MTMR14: variants seen among roughly 807,000 people sequenced by gnomAD.
The protein encoded by MTMR14 is myotubularin related protein 14.
Under a neutral mutation model 86.3 loss-of-function variants are expected in MTMR14, and 48 were observed. That is an observed-to-expected ratio of 0.56 (90% CI 0.44 to 0.71). MTMR14 has a LOEUF of 0.71. Ranked by LOEUF, MTMR14 falls within the 30% of genes least tolerant of loss-of-function variation. MTMR14 has a pLI of 0.00. For synonymous variants in MTMR14, 366 were observed against 326.1 expected (o/e 1.12, Z -1.32); for missense variants, 780 against 834.6 (o/e 0.93, Z 0.81).
At chr3:9,697,215 C>A (rs968580319) in intron 17 of MTMR14, among the ~76,000 whole-genome samples, 1 of 152,170 alleles carries the variant, frequency 6.6e-6, no homozygotes, top group East Asian at 1.9e-4. Flanking sequence ...CTAGGTCATA[C>A]CCTCCACAAT....
chr3:9,650,710 T>C (rs2047230170), intron 1 of MTMR14, among the ~76,000 whole-genome samples: 1 of 152,134 alleles, frequency 6.6e-6, no homozygotes. Context: ...TGGGATACTT[T>C]GTGAAAACAG....
At chr3:9,691,157 A>G (rs1373207154) in intron 17 of MTMR14, among the ~76,000 whole-genome samples, 1 of 152,222 alleles carries the variant, frequency 6.6e-6, no homozygotes. Flanking sequence ...GGCGTTCCAG[A>G]CTGCACTGCC....
rs1489146676 is a variant in MTMR14, at chr3:9,688,556, T to C, written c.1236-140T>C. The C allele has an allele frequency of 3.6e-5, 33 of 927,670 alleles. 1 individual carries two copies. The South Asian group carries it at 3.6e-4, about 10-fold the overall frequency. 57.5% of individuals were successfully genotyped at this position (927,670 alleles called of 1,614,324 possible). A position where few individuals can be genotyped will look rare whatever the true frequency, so the allele number is the denominator to read the frequency against. On this transcript the variant is annotated intron_variant, in intron 14 of 18. Coordinates refer to ENST00000296003, the MANE Select transcript of MTMR14 (RefSeq NM_001077525.3). Reference sequence around the variant, plus strand: ...TCCCAGAAGTGGCCCTGGTGTCTTATAACACTCCCTAGGCTAGGACCCGTC... The same window carrying C: ...TCCCAGAAGTGGCCCTGGTGTCTTACAACACTCCCTAGGCTAGGACCCGTC...
At chr3:9,664,233 C>T (rs767191811) in intron 3 of MTMR14, among the ~76,000 whole-genome samples, 21 of 149,044 alleles carry the variant, frequency 1.4e-4, no homozygotes, top group Non-Finnish European at 2.5e-4. Context: ...AATAAGAATT[C>T]GAAATACTGC....
chr3:9,665,172 C>T (rs2048174462), intron 3 of MTMR14, among the ~76,000 whole-genome samples: 1 of 151,786 alleles, frequency 6.6e-6, no homozygotes, highest in Non-Finnish European at 1.5e-5. Flanking sequence ...ATCCCAGCTA[C>T]TCCGGAGGCT....
chr3:9,696,092 A>C (rs2076274582), intron 17 of MTMR14, among the ~76,000 whole-genome samples: 1 of 152,198 alleles, frequency 6.6e-6, no homozygotes, highest in Admixed American at 6.5e-5. Context: ...ACAAGTCTGT[A>C]TGTTGTAGGG....
intron 17 of MTMR14, among the ~76,000 whole-genome samples, chr3:9,690,905 A>G (rs190702177): frequency 1.2e-3 from 190 of 152,352 alleles, no homozygotes; most frequent in African/African-American, 4.4e-3. Flanking sequence ...AAGAATGGGC[A>G]TGAGCTTTGG....
At chr3:9,665,012 G>A (rs1456100845) in intron 3 of MTMR14, among the ~76,000 whole-genome samples, 9 of 152,148 alleles carry the variant, frequency 5.9e-5, no homozygotes, top group Admixed American at 2.6e-4. Flanking sequence ...GGCCGGGCAC[G>A]ATGGCTCATG....
chr3:9,669,290 G>A (rs1305349240), intron 4 of MTMR14, 142 bp from the exon 5 acceptor site: 1 of 697,900 alleles, frequency 1.4e-6, no homozygotes, highest in Admixed American at 2.9e-5. Context: ...CCAGGCATAT[G>A]GGGGCATACT....
At chr3:9,650,959 T>C (rs1249467660) in intron 1 of MTMR14, among the ~76,000 whole-genome samples, 3 of 152,052 alleles carry the variant, frequency 2.0e-5, no homozygotes. Flanking sequence ...CAGCTAATTA[T>C]TGTAGTTTTT....
chr3:9,692,525 TCTGAGCTCACATGC>T (rs1166776374), intron 17 of MTMR14, among the ~76,000 whole-genome samples: 1 of 152,242 alleles, frequency 6.6e-6, no homozygotes, highest in African/African-American at 2.4e-5. Context: ...GGACCAATGC[TCTGAGCTCACATGC>T]CTCCCCCAGC....
chr3:9,671,152 A>AG lies in MTMR14; in HGVS notation c.661dup (p.Val221GlyfsTer11). On this transcript the variant is annotated frameshift_variant, in exon 6 of 19. Transcript: ENST00000296003. LOFTEE classifies it high-confidence loss of function. Reference sequence around the variant, plus strand: ...TGTGACCTGATGGTGGAGAACAAGAAGGTGAAGTTTGGCATGAAGTAAGTA... The same window carrying AG: ...TGTGACCTGATGGTGGAGAACAAGAAGGGTGAAGTTTGGCATGAAGTAAGTA... 2.5e-6 allele frequency: 4 copies of AG among 1,614,244 alleles called. No individual in the cohort carries two copies. Among genetic ancestry groups the AG allele is most frequent in the Non-Finnish European group, 3.4e-6 (4 of 1,180,044 alleles).
chr3:9,666,317 G>C (rs1390478615), intron 3 of MTMR14, among the ~76,000 whole-genome samples: 3 of 151,468 alleles, frequency 2.0e-5, no homozygotes, highest in Non-Finnish European at 4.4e-5. Context: ...CTTTTTAGTA[G>C]AGACTGAGTT....
At position 9,702,144 on chromosome 3, in the gene MTMR14, C is replaced by A; in HGVS notation, c.*171C>A. Reference sequence around the variant, plus strand: ...TGAGCAAGGCCAAAGACAGGGTTTTCCAACCCCCAGCCTCTTGACTGGTGA... The same window carrying A: ...TGAGCAAGGCCAAAGACAGGGTTTTACAACCCCCAGCCTCTTGACTGGTGA... On this transcript the variant is annotated 3_prime_UTR_variant, in exon 19 of 19. Transcript: ENST00000296003. The A allele has an allele frequency of 1.2e-6, 1 of 823,060 alleles. No individual in the cohort carries two copies. Among genetic ancestry groups the A allele is most frequent in the Non-Finnish European group, 2.0e-6 (1 of 506,846 alleles). The allele number at this position is 823,060 out of a possible 1,614,324, so 51.0% of individuals were successfully genotyped here.
chr3:9,676,897 C>T (rs908095929), intron 7 of MTMR14, among the ~76,000 whole-genome samples: 8 of 152,176 alleles, frequency 5.3e-5, no homozygotes, highest in African/African-American at 1.7e-4. Flanking sequence ...ATTATTTGCC[C>T]CCATTTTAGA....
At chr3:9,669,139 CAAAA>C (rs1225596376) in intron 4 of MTMR14, among the ~76,000 whole-genome samples, 8 of 99,348 alleles carry the variant, frequency 8.1e-5, no homozygotes, top group African/African-American at 2.3e-4. Flanking sequence ...GACTCCGTCT[CAAAA>C]AAAAAAAAAA....
At chr3:9,666,284 C>T (rs1442294272) in intron 3 of MTMR14, among the ~76,000 whole-genome samples, 3 of 152,044 alleles carry the variant, frequency 2.0e-5, no homozygotes, top group Admixed American at 6.6e-5. Flanking sequence ...TAGGCACGTG[C>T]CTCCACACCT....
At chr3:9,660,035 T>G (rs551966408) in intron 2 of MTMR14, among the ~76,000 whole-genome samples, 136 of 152,290 alleles carry the variant, frequency 8.9e-4, no homozygotes, top group Middle Eastern at 3.4e-3. Context: ...ACCAGATATG[T>G]GACATCGGCC....
chr3:9,689,390 G>A (rs1239611264), intron 16 of MTMR14, among the ~76,000 whole-genome samples: 1 of 152,172 alleles, frequency 6.6e-6, no homozygotes, highest in Non-Finnish European at 1.5e-5. Context: ...TCATTTGTCG[G>A]GGAGATAGGG....
Sources: gnomAD v4.1 joint callset for allele counts (sites outside exome capture counted in the v4.1 genomes callset) on GRCh38, gnomAD v4.1.1 for gene constraint, MANE v1.5 for transcripts, NCBI Gene and HGNC (gene_info 2026-07-23, HGNC 2026-07-21) for gene names.